DTD1: variants seen among roughly 807,000 people sequenced by gnomAD.
The protein encoded by DTD1 is D-aminoacyl-tRNA deacylase 1.
Under a neutral mutation model 25.6 loss-of-function variants are expected in DTD1, and 13 were observed. The observed-to-expected ratio is 0.51, with a 90% CI of 0.33 to 0.81. The LOEUF (loss-of-function observed/expected upper bound fraction) is 0.81. Among genes scored for constraint, DTD1 ranks in the 30% least tolerant of loss-of-function variants. The pLI, the probability that DTD1 is intolerant of heterozygous loss-of-function variation, is 0.02. For missense variants in DTD1, 193 were observed against 266.4 expected, an observed-to-expected ratio of 0.72 and a Z score of 1.92; for synonymous variants, 110 against 103.6, an observed-to-expected ratio of 1.06 and a Z score of -0.37.
intron 3 of DTD1, among the ~76,000 whole-genome samples, chr20:18,625,730 TC>T (rs1034910536): frequency 2.0e-5 from 3 of 152,238 alleles, no homozygotes; most frequent in Non-Finnish European, 4.4e-5. Flanking sequence ...TGTTGGGGTT[TC>T]CATCAGTAAC....
chr20:18,588,058 G>T lies in DTD1; in HGVS notation c.-15G>T, dbSNP rs897409354. 7 of 1,400,726 alleles carry T rather than the reference G, an allele frequency of 5.0e-6. No homozygotes were observed. In the African/African-American group the frequency reaches 1.1e-4, roughly 21 times the overall value. The allele number at this position is 1,400,726 out of a possible 1,614,324, so 86.8% of individuals were successfully genotyped here. A position where few individuals can be genotyped will look rare whatever the true frequency, so the allele number is the denominator to read the frequency against. On this transcript the variant is annotated 5_prime_UTR_variant, in exon 1 of 6. Coordinates refer to ENST00000377452, the MANE Select transcript of DTD1 (RefSeq NM_080820.6). ...GACGCAGCGCGGCGCCGCCCCACTCGCCCCAGCCGCCGCCATGAAGGCCGT... is the reference window on the plus strand; with the variant it reads ...GACGCAGCGCGGCGCCGCCCCACTCTCCCCAGCCGCCGCCATGAAGGCCGT...
chr20:18,717,826 GC>G (rs1307091805), intron 4 of DTD1, among the ~76,000 whole-genome samples: 2 of 152,146 alleles, frequency 1.3e-5, no homozygotes, highest in Non-Finnish European at 2.9e-5. Flanking sequence ...TCATTAACCA[GC>G]CATTGCATGT....
intron 5 of DTD1, among the ~76,000 whole-genome samples, chr20:18,746,618 T>A (rs1286535424): frequency 1.3e-5 from 2 of 152,022 alleles, no homozygotes; most frequent in Non-Finnish European, 1.5e-5. Context: ...TTGCTTGAGT[T>A]TGGGAGTTGG....
At chr20:18,684,311 G>T (rs939499829) in intron 4 of DTD1, among the ~76,000 whole-genome samples, 1 of 151,856 alleles carries the variant, frequency 6.6e-6, no homozygotes, top group Non-Finnish European at 1.5e-5. Flanking sequence ...TCTTGAGATG[G>T]AGTCTCACCC....
chr20:18,654,683 A>G (rs942327754), intron 4 of DTD1, among the ~76,000 whole-genome samples: 1 of 152,178 alleles, frequency 6.6e-6, no homozygotes, highest in Non-Finnish European at 1.5e-5. Flanking sequence ...TCTCCAGGCC[A>G]GAGCTCTGGG....
chr20:18,687,966 G>A (rs186585844), intron 4 of DTD1, among the ~76,000 whole-genome samples: 14 of 152,308 alleles, frequency 9.2e-5, no homozygotes, highest in Admixed American at 6.5e-4. Flanking sequence ...AGGTATCATC[G>A]CATCCCACTT....
Position 18,596,098 on chromosome 20 carries a change from G to A in DTD1, c.227G>A (p.Cys76Tyr), listed in dbSNP as rs1568639622. ...SVMDKQYEIL[C>Y]VSQFTLQCVL... Reference sequence around the variant, plus strand: ...ATGGACAAACAGTACGAGATTCTGTGTGTCAGCCAGTTTACCCTCCAGTGT... The same window carrying A: ...ATGGACAAACAGTACGAGATTCTGTATGTCAGCCAGTTTACCCTCCAGTGT... The change falls in exon 3 of 6, where the codon TGT becomes TAT. Residue 76 changes from cysteine (C) to tyrosine (Y), a missense_variant. By Grantham distance (194) the Cys-to-Tyr change is radical. Transcript: ENST00000377452. 1 of 1,614,198 alleles carries A rather than the reference G, an allele frequency of 6.2e-7. No homozygotes were observed. Among genetic ancestry groups the A allele is most frequent in the Non-Finnish European group, 8.5e-7 (1 of 1,180,032 alleles).
chr20:18,749,640 G>T lies in DTD1; in HGVS notation c.*19+5369G>T, dbSNP rs976680320. On this transcript the variant is annotated intron_variant, in intron 5 of 5. Transcript: ENST00000377452. This position sits in a 1 kb window ranked among gnomAD's most constrained non-coding sequence, Gnocchi z 4.2. ...GCTGGTGAGAACTGAGACGAGGCCA[G>T]GTCAGCCAGAGAGGGCCTTGGGTCC... 6.6e-6 allele frequency among the ~76,000 whole-genome samples: 1 copy of T among 152,156 alleles called. No homozygotes were observed. Among genetic ancestry groups the T allele is most frequent in the African/African-American group, 2.4e-5 (1 of 41,418 alleles).
At position 18,588,071 on chromosome 20, in the gene DTD1, C is replaced by T. The variant is rs2060572921; in HGVS notation, c.-2C>T. 7 of 1,394,708 alleles carry T rather than the reference C, an allele frequency of 5.0e-6. No homozygotes were observed. Among genetic ancestry groups the T allele is most frequent in the Non-Finnish European group, 6.5e-6 (7 of 1,080,544 alleles). 86.4% of individuals were successfully genotyped at this position (1,394,708 alleles called of 1,614,324 possible). ...GCCGCCCCACTCGCCCCAGCCGCCG[C>T]CATGAAGGCCGTGGTGCAGCGCGTC... is the stretch of plus-strand genomic sequence containing the variant. On this transcript the variant is annotated 5_prime_UTR_variant, in exon 1 of 6. Coordinates refer to ENST00000377452, the MANE Select transcript of DTD1 (RefSeq NM_080820.6).
Position 18,756,917 on chromosome 20 carries a change from C to G in DTD1, c.*20-6443C>G, listed in dbSNP as rs530190641. Among the ~76,000 whole-genome samples the G allele has an allele frequency of 5.4e-3, 813 of 149,798 alleles. 2 individuals carry two copies. Among genetic ancestry groups the G allele is most frequent in the South Asian group, 0.011 (50 of 4,744 alleles). ...CTACCCATGAGCATGGAATGTTCTT[C>G]CATTTGTTTTTATCCTCTTTTATTT... On this transcript the variant is annotated intron_variant, in intron 5 of 5. Coordinates refer to ENST00000377452, the MANE Select transcript of DTD1 (RefSeq NM_080820.6).
rs1417474225 is a variant in DTD1, at chr20:18,603,676, C to T, written c.370+7435C>T. ...GAACAACCTGCTCCTGAGTGACTAC[C>T]GGGTACATAACGAAATGAAGGCAGA... On this transcript the variant is annotated intron_variant, in intron 3 of 5. Transcript: ENST00000377452. Among the ~76,000 whole-genome samples the T allele has an allele frequency of 3.4e-4, 42 of 123,572 alleles. 3 individuals carry two copies. The highest frequency in any genetic ancestry group is 7.4e-4 in the African/African-American group (25 of 33,612). The allele number at this position is 123,572 out of a possible 152,430, so 81.1% of individuals were successfully genotyped here.
At chr20:18,607,223 G>A (rs1377079808) in intron 3 of DTD1, among the ~76,000 whole-genome samples, 1 of 151,822 alleles carries the variant, frequency 6.6e-6, no homozygotes, top group African/African-American at 2.4e-5. Context: ...GAGTGCAGTG[G>A]TGCAATCTTG....
intron 5 of DTD1, among the ~76,000 whole-genome samples, chr20:18,750,690 A>G (rs137868197): frequency 6.6e-6 from 1 of 152,262 alleles, no homozygotes; most frequent in Non-Finnish European, 1.5e-5. Flanking sequence ...CCTCTGTCTC[A>G]ATCCTTCGGG....
At chr20:18,627,358 G>A (rs576916149) in intron 3 of DTD1, among the ~76,000 whole-genome samples, 86 of 152,310 alleles carry the variant, frequency 5.6e-4, no homozygotes, top group East Asian at 2.1e-3. Flanking sequence ...TGCCTGTGCC[G>A]CAGTAGCCCA....
chr20:18,661,389 T>G (rs75663670), intron 4 of DTD1, among the ~76,000 whole-genome samples: 8 of 131,110 alleles, frequency 6.1e-5, no homozygotes, highest in Admixed American at 1.5e-4. Flanking sequence ...TTTTTTTTTT[T>G]GGGACAGAGT....
At chr20:18,640,629 ATTTTTTT>A (rs61085364) in intron 4 of DTD1, among the ~76,000 whole-genome samples, 2 of 140,308 alleles carry the variant, frequency 1.4e-5, no homozygotes, top group African/African-American at 2.7e-5. Context: ...TATCTGCAGA[ATTTTTTT>A]TTTTTTTTTT....
At chr20:18,715,340 C>T (rs183664704) in intron 4 of DTD1, among the ~76,000 whole-genome samples, 12 of 152,278 alleles carry the variant, frequency 7.9e-5, no homozygotes, top group Non-Finnish European at 1.8e-4. Context: ...TCAGCCTCCC[C>T]ACCCACCCTA....
At chr20:18,745,951 A>G (rs79737297) in intron 5 of DTD1, among the ~76,000 whole-genome samples, 4,368 of 152,308 alleles carry the variant, frequency 0.029, 96 homozygotes, top group Non-Finnish European at 0.045. Context: ...AGGTGATTGC[A>G]GAAGTCCAGA....
intron 4 of DTD1, among the ~76,000 whole-genome samples, chr20:18,635,075 GT>G (rs2060801833): frequency 6.6e-6 from 1 of 152,182 alleles, no homozygotes; most frequent in Non-Finnish European, 1.5e-5. Context: ...CCTAATTGTG[GT>G]TGGTTTCAGC....
Sources: gnomAD v4.1 joint callset for allele counts (sites outside exome capture counted in the v4.1 genomes callset) on GRCh38, gnomAD v4.1.1 for gene constraint, Gnocchi (gnomAD v3.1) non-coding constraint, MANE v1.5 for transcripts, NCBI Gene and HGNC (gene_info 2026-07-23, HGNC 2026-07-21) for gene names.